The following BICC1 variants were observed in gnomAD, a reference collection of about 807,000 sequenced individuals.
The protein encoded by BICC1 is protein bicaudal C homolog 1.
A neutral mutation model predicts 111.0 loss-of-function variants in BICC1; 43 were observed. The ratio of observed to expected loss-of-function variants is 0.39; its 90% CI spans 0.30 to 0.50. The LOEUF (loss-of-function observed/expected upper bound fraction) is 0.50. BICC1 is among the 20% of genes least tolerant of loss of function. BICC1 has a pLI of 0.88. For synonymous variants in BICC1, 467 were observed against 434.4 expected, an observed-to-expected ratio of 1.07 and a Z score of -0.93; for missense variants, 1,091 against 1,203.2, an observed-to-expected ratio of 0.91 and a Z score of 1.38.
intron 3 of BICC1, among the ~76,000 whole-genome samples, chr10:58,768,088 A>G (rs1319344350): frequency 3.3e-5 from 5 of 152,188 alleles, no homozygotes; most frequent in Non-Finnish European, 7.4e-5. Flanking sequence ...CATCCAGGTT[A>G]TGAGGCTCAA....
chr10:58,609,953 A>G (rs909743422), intron 1 of BICC1, among the ~76,000 whole-genome samples: 1 of 152,228 alleles, frequency 6.6e-6, no homozygotes, highest in Non-Finnish European at 1.5e-5. Flanking sequence ...GATTGCTTAT[A>G]TAAGAAGAAA....
intron 1 of BICC1, among the ~76,000 whole-genome samples, chr10:58,605,448 T>G (rs1160875175): frequency 6.6e-6 from 1 of 152,222 alleles, no homozygotes; most frequent in African/African-American, 2.4e-5. Context: ...TATCCTCCTC[T>G]GTTTTCCCAA....
intron 3 of BICC1, among the ~76,000 whole-genome samples, chr10:58,735,935 T>C (rs1841453197): frequency 6.6e-6 from 1 of 152,200 alleles, no homozygotes; most frequent in Non-Finnish European, 1.5e-5. Context: ...CCATCTCACA[T>C]GCTCCAGCCA....
intron 2 of BICC1, among the ~76,000 whole-genome samples, chr10:58,633,977 CTTTTTTTT>C (rs3076172): frequency 1.5e-4 from 21 of 138,184 alleles, no homozygotes; most frequent in Admixed American, 6.7e-4. Flanking sequence ...TTTTCTTTTT[CTTTTTTTT>C]TTTTCTTTTC....
intron 2 of BICC1, among the ~76,000 whole-genome samples, chr10:58,700,603 GT>G (rs1043874367): frequency 1.3e-5 from 2 of 152,152 alleles, no homozygotes; most frequent in African/African-American, 4.8e-5. Flanking sequence ...CTTAACTTTT[GT>G]TCAATTTTTA....
intron 3 of BICC1, among the ~76,000 whole-genome samples, chr10:58,779,127 G>A (rs1842820567): frequency 6.6e-6 from 1 of 151,426 alleles, no homozygotes; most frequent in Non-Finnish European, 1.5e-5. Context: ...TAAGAAGCCA[G>A]GGGGAAACAT....
At chr10:58,698,725 A>G (rs1840139367) in intron 2 of BICC1, among the ~76,000 whole-genome samples, 1 of 152,202 alleles carries the variant, frequency 6.6e-6, no homozygotes. Flanking sequence ...AAGGGCTAAT[A>G]TCAAGCACTC....
chr10:58,562,619 CT>C (rs1415663683), intron 1 of BICC1, among the ~76,000 whole-genome samples: 1 of 151,824 alleles, frequency 6.6e-6, no homozygotes, highest in Non-Finnish European at 1.5e-5. Flanking sequence ...TATAAATTTC[CT>C]TTTTTGGTGT....
In BICC1 at chr10:58,705,130, C is replaced by T. The variant is rs1413282298; in HGVS notation, c.307+2987C>T. On this transcript the variant is annotated intron_variant, in intron 3 of 20. Transcript: ENST00000373886. ...CAGTTAGAGAGTTCAGATTCTTCTCCTCTAAAGATGTTGGCTTAGTAGTTC... is the reference window on the plus strand; with the variant it reads ...CAGTTAGAGAGTTCAGATTCTTCTCTTCTAAAGATGTTGGCTTAGTAGTTC... 3.9e-5 allele frequency among the ~76,000 whole-genome samples: 6 copies of T among 152,322 alleles called. No homozygotes were observed. In the East Asian group the frequency reaches 9.7e-4, roughly 25 times the overall value.
chr10:58,557,650 C>G (rs1410248261), intron 1 of BICC1, among the ~76,000 whole-genome samples: 2 of 152,084 alleles, frequency 1.3e-5, no homozygotes, highest in East Asian at 3.9e-4. Flanking sequence ...GCTATTAATA[C>G]TTTCAGTGCT....
At chr10:58,605,721 G>A (rs1446096707) in intron 1 of BICC1, among the ~76,000 whole-genome samples, 1 of 152,156 alleles carries the variant, frequency 6.6e-6, no homozygotes, top group African/African-American at 2.4e-5. Context: ...AGAGAATAAT[G>A]TCAAAAAAGG....
chr10:58,547,111 T>A (rs149045095), intron 1 of BICC1, among the ~76,000 whole-genome samples: 2 of 152,320 alleles, frequency 1.3e-5, no homozygotes, highest in Non-Finnish European at 2.9e-5. Context: ...TATTACCATC[T>A]TATATTAATT....
At chr10:58,746,625 A>G (rs1270659235) in intron 3 of BICC1, among the ~76,000 whole-genome samples, 1 of 152,106 alleles carries the variant, frequency 6.6e-6, no homozygotes, top group African/African-American at 2.4e-5. Flanking sequence ...CAGACTGGTT[A>G]CCTTTGTCCT....
chr10:58,760,352 G>A (rs933817567), intron 3 of BICC1, among the ~76,000 whole-genome samples: 7 of 152,004 alleles, frequency 4.6e-5, no homozygotes, highest in Admixed American at 2.6e-4. Context: ...TTGTTAAACC[G>A]CAGCATTCAT....
At chr10:58,796,620 T>TA in intron 10 of BICC1, 94 bp downstream of exon 10, 1 of 1,239,794 alleles carries the variant, frequency 8.1e-7, no homozygotes, top group South Asian at 1.7e-5. Flanking sequence ...ATTTAAAGGC[T>TA]ATTTTTTTTT....
At chr10:58,516,284 G>A (rs1842239454) in intron 1 of BICC1, among the ~76,000 whole-genome samples, 1 of 152,120 alleles carries the variant, frequency 6.6e-6, no homozygotes. Context: ...TGTCCTGGGG[G>A]CAAGTTAATC....
intron 8 of BICC1, among the ~76,000 whole-genome samples, chr10:58,791,349 T>A (rs921797191): frequency 6.6e-6 from 1 of 152,206 alleles, no homozygotes; most frequent in African/African-American, 2.4e-5. Flanking sequence ...TGACTCATAT[T>A]ATTGCACAAC....
chr10:58,603,425 A>G (rs953493980), intron 1 of BICC1, among the ~76,000 whole-genome samples: 6 of 152,142 alleles, frequency 3.9e-5, no homozygotes, highest in African/African-American at 1.4e-4. Context: ...GATTCCTGGG[A>G]TCCCAGAAAG....
rs142981566 is a variant in BICC1 at position 58,797,963 on chromosome 10, C to A, written c.1367-436C>A. ...CTGCAGCGGGGACAAATAGATCTAT[C>A]CTACCACAGGAAAGCATTCCCTAGT... On this transcript the variant is annotated intron_variant, in intron 10 of 20. Coordinates refer to ENST00000373886, the MANE Select transcript of BICC1 (RefSeq NM_001080512.3). 6.0e-3 allele frequency among the ~76,000 whole-genome samples: 921 copies of A among 152,248 alleles called. 11 individuals carry two copies. The highest frequency in any genetic ancestry group is 0.021 in the African/African-American group (879 of 41,548).
Sources: gnomAD v4.1 joint callset for allele counts (sites outside exome capture counted in the v4.1 genomes callset) on GRCh38, gnomAD v4.1.1 for gene constraint, MANE v1.5 for transcripts, NCBI Gene and HGNC (gene_info 2026-07-23, HGNC 2026-07-21) for gene names.